Variants in CNTNAP3B observed in about 807,000 individuals in gnomAD.
The protein encoded by CNTNAP3B is contactin-associated protein-like 3B.
Under a neutral mutation model 108.9 loss-of-function variants are expected in CNTNAP3B, and 25 were observed. The ratio of observed to expected loss-of-function variants is 0.23; its 90% CI spans 0.17 to 0.32. The LOEUF (loss-of-function observed/expected upper bound fraction) is 0.32, where lower values mean the gene tolerates loss of function less well. CNTNAP3B is among the 10% of genes least tolerant of loss of function. The pLI is 1.00. For synonymous variants in CNTNAP3B, 103 were observed against 473.4 expected (o/e 0.22, Z 10.16); for missense variants, 252 against 1,210.4 (o/e 0.21, Z 11.75).
chr9:41,943,858 A>C (rs1199928771), intron 13 of CNTNAP3B, among the ~76,000 whole-genome samples: 2 of 152,286 alleles, frequency 1.3e-5, no homozygotes, highest in Non-Finnish European at 2.9e-5. Context: ...ACACCTAGGC[A>C]TCTCATATTC....
At chr9:41,942,933 TACA>T (rs888206462) in intron 13 of CNTNAP3B, among the ~76,000 whole-genome samples, 3 of 152,350 alleles carry the variant, frequency 2.0e-5, no homozygotes, top group Admixed American at 1.3e-4. Context: ...CCTTTGCCAA[TACA>T]ACATGTCTGG....
intron 13 of CNTNAP3B, among the ~76,000 whole-genome samples, chr9:41,944,024 A>G (rs1824448977): frequency 6.6e-6 from 1 of 152,166 alleles, no homozygotes; most frequent in South Asian, 2.1e-4. Context: ...GCAAGCAAGA[A>G]GAAAGTGAAG....
chr9:41,945,170 A>G (rs907199779), intron 13 of CNTNAP3B, among the ~76,000 whole-genome samples: 2 of 152,250 alleles, frequency 1.3e-5, no homozygotes, highest in Non-Finnish European at 2.9e-5. Flanking sequence ...TGTTGGTGGG[A>G]CTGTAAACTA....
At chr9:41,959,719 T>C (rs1825002570) in intron 12 of CNTNAP3B, among the ~76,000 whole-genome samples, 1 of 152,312 alleles carries the variant, frequency 6.6e-6, no homozygotes, top group East Asian at 1.9e-4. Context: ...TTTACTATTT[T>C]TTGACAATCT....
At position 42,111,605 on chromosome 9, in the gene CNTNAP3B, T is replaced by A. The variant is rs549767613; in HGVS notation, c.86-6866A>T. ...AGAATCTGATTGCCTAAATTCAGCC[T>A]GGCTTCAATCAAGACACTTTGGTTC... On this transcript the variant is annotated intron_variant, in intron 1 of 23. Coordinates refer to ENST00000377561, the MANE Select transcript of CNTNAP3B (RefSeq NM_001201380.3). 8.6e-4 allele frequency among the ~76,000 whole-genome samples: 119 copies of A among 138,774 alleles called. 17 individuals are homozygous for A. The highest frequency in any genetic ancestry group is 6.9e-3 in the Middle Eastern group (2 of 288). 91.0% of individuals were successfully genotyped at this position (138,774 alleles called of 152,430 possible). A position where few individuals can be genotyped will look rare whatever the true frequency, so the allele number is the denominator to read the frequency against.
At chr9:42,104,262 A>G (rs1455512914) in intron 2 of CNTNAP3B, among the ~76,000 whole-genome samples, 1 of 93,522 alleles carries the variant, frequency 1.1e-5, no homozygotes, top group Non-Finnish European at 2.2e-5. Flanking sequence ...GGACAACAAA[A>G]TGTATACTGT....
At position 42,121,897 on chromosome 9, in the gene CNTNAP3B, A is replaced by C. The variant is rs1022461245; in HGVS notation, c.85+7113T>G. On this transcript the variant is annotated intron_variant, in intron 1 of 23. Coordinates refer to ENST00000377561, the MANE Select transcript of CNTNAP3B (RefSeq NM_001201380.3). ...CCAGTTTGTTTCATGGTTGCGGCAG[A>C]AGACTCCTGGGTCAAAGCAAAGGAC... 5.0e-5 allele frequency among the ~76,000 whole-genome samples: 7 copies of C among 140,382 alleles called. 1 individual carries two copies. Among genetic ancestry groups the C allele is most frequent in the African/African-American group, 2.0e-4 (7 of 35,572 alleles). The allele number at this position is 140,382 out of a possible 152,430, so 92.1% of individuals were successfully genotyped here. A position where few individuals can be genotyped will look rare whatever the true frequency, so the allele number is the denominator to read the frequency against.
At chr9:42,120,076 T>C in intron 1 of CNTNAP3B, among the ~76,000 whole-genome samples, 1 of 150,636 alleles carries the variant, frequency 6.6e-6, no homozygotes, top group Non-Finnish European at 1.5e-5. Flanking sequence ...AACCTACTCA[T>C]CTGACAAAGG....
At chr9:41,930,628 C>G (rs1372304578) in intron 14 of CNTNAP3B, among the ~76,000 whole-genome samples, 1 of 152,276 alleles carries the variant, frequency 6.6e-6, no homozygotes, top group African/African-American at 2.4e-5. Context: ...ATTGAGGACA[C>G]AGAGTAAAAA....
chr9:41,930,883 T>C (rs1289726873), intron 14 of CNTNAP3B, among the ~76,000 whole-genome samples: 1 of 152,238 alleles, frequency 6.6e-6, no homozygotes, highest in African/African-American at 2.4e-5. Context: ...ACTGTATATG[T>C]AATAAATATT....
At chr9:41,934,122 T>TATATATACACACACACACACACAC (rs1214326050) in intron 14 of CNTNAP3B, among the ~76,000 whole-genome samples, 1 of 73,474 alleles carries the variant, frequency 1.4e-5, no homozygotes, top group African/African-American at 5.9e-5. Context: ...TATATATATA[T>TATATATACACACACACACACACAC]ACACACACAT....
At chr9:41,969,771 C>A in intron 10 of CNTNAP3B, among the ~76,000 whole-genome samples, 1 of 110,800 alleles carries the variant, frequency 9.0e-6, no homozygotes. Context: ...GCGCCTGCCA[C>A]CACGCCTGGC....
intron 7 of CNTNAP3B, among the ~76,000 whole-genome samples, 192 bp downstream of exon 7, chr9:41,996,013 G>C (rs1825893211): frequency 1.4e-5 from 2 of 142,656 alleles, no homozygotes; most frequent in Admixed American, 1.4e-4. Flanking sequence ...TCCAACCTGG[G>C]AGACAAGAGA....
rs1005801334 is a variant in CNTNAP3B, at chr9:42,128,111, CAAGA to C, written c.85+895_85+898del. 2.2e-5 allele frequency among the ~76,000 whole-genome samples: 3 copies of C among 136,896 alleles called. 1 individual carries two copies. The highest frequency in any genetic ancestry group is 8.8e-5 in the African/African-American group (3 of 34,276). 89.8% of individuals were successfully genotyped at this position (136,896 alleles called of 152,430 possible). On this transcript the variant is annotated intron_variant, in intron 1 of 23. Coordinates refer to ENST00000377561, the MANE Select transcript of CNTNAP3B (RefSeq NM_001201380.3). ...ATTCTAATCTCATGGTTTCATTAAT[CAAGA>C]AAGAAAGACGACTCTCTGATAGAGA...
intron 1 of CNTNAP3B, among the ~76,000 whole-genome samples, chr9:42,122,595 C>G (rs1470256216): frequency 2.2e-5 from 3 of 135,732 alleles, no homozygotes; most frequent in Non-Finnish European, 4.7e-5. Context: ...TGTTGCATTA[C>G]TTTTTCTACC....
At chr9:41,927,294 GGACAGACCTGCCA>G (rs1823847417) in intron 15 of CNTNAP3B, among the ~76,000 whole-genome samples, 1 of 146,824 alleles carries the variant, frequency 6.8e-6, no homozygotes, top group African/African-American at 2.5e-5. Flanking sequence ...TTAAATGTCT[GGACAGACCTGCCA>G]GACAGACCTG....
At chr9:41,921,093 A>G (rs1179713170) in intron 17 of CNTNAP3B, among the ~76,000 whole-genome samples, 2 of 152,428 alleles carry the variant, frequency 1.3e-5, no homozygotes, top group South Asian at 4.1e-4. Flanking sequence ...AGAGATTCCA[A>G]TTCGGTGGGC....
chr9:42,127,549 G>C (rs554649883), intron 1 of CNTNAP3B, among the ~76,000 whole-genome samples: 1 of 139,526 alleles, frequency 7.2e-6, no homozygotes, highest in East Asian at 2.2e-4. Context: ...AATTACTCTA[G>C]CATGCCTTTC....
At chr9:41,962,933 C>T (rs1202178908) in intron 11 of CNTNAP3B, among the ~76,000 whole-genome samples, 68 of 151,410 alleles carry the variant, frequency 4.5e-4, no homozygotes, top group African/African-American at 6.1e-4. Flanking sequence ...CCAGCCTGGG[C>T]GACAGAGCAA....
Sources: gnomAD v4.1 joint callset for allele counts (sites outside exome capture counted in the v4.1 genomes callset) on GRCh38, gnomAD v4.1.1 for gene constraint, MANE v1.5 for transcripts, NCBI Gene and HGNC (gene_info 2026-07-23, HGNC 2026-07-21) for gene names.